Variants in FGF13 observed in about 807,000 individuals in gnomAD.
FGF13 encodes the protein fibroblast growth factor homologous factor 2.
Under a neutral mutation model 19.5 loss-of-function variants are expected in FGF13, and 2 were observed. That is an observed-to-expected ratio of 0.10 (90% confidence interval 0.04 to 0.32). The LOEUF is 0.32. Among genes scored for constraint, FGF13 ranks in the 10% least tolerant of loss-of-function variants. The pLI is 1.00. For synonymous variants in FGF13, 72 were observed against 76.9 expected, an observed-to-expected ratio of 0.94 and a Z score of 0.33; for missense variants, 113 against 192.7, an observed-to-expected ratio of 0.59 and a Z score of 2.45.
At chrX:139,038,313 T>C (rs1436735730) in intron 1 of FGF13, among the ~76,000 whole-genome samples, 1 of 110,995 alleles carries the variant, frequency 9.0e-6, no homozygotes, top group Non-Finnish European at 1.9e-5. Flanking sequence ...GCGTTGTATA[T>C]ATCCCTTTAT....
At chrX:138,968,173 G>C (rs750549676) in intron 1 of FGF13, among the ~76,000 whole-genome samples, 35 of 112,138 alleles carry the variant, frequency 3.1e-4, no homozygotes, top group Non-Finnish European at 5.3e-4. Flanking sequence ...TGAAGGCAAA[G>C]ATTAATTCAC....
At chrX:138,920,860 T>C (rs2091641093) in intron 1 of FGF13, among the ~76,000 whole-genome samples, 1 of 111,585 alleles carries the variant, frequency 9.0e-6, no homozygotes, top group African/African-American at 3.3e-5. Context: ...CGGCCAACTA[T>C]GCACAAAAGA....
chrX:138,919,977 T>G (rs970268039), intron 1 of FGF13, among the ~76,000 whole-genome samples: 2 of 111,237 alleles, frequency 1.8e-5, no homozygotes, highest in East Asian at 5.6e-4. Context: ...AGGACTTTTC[T>G]GTGTATTTGT....
At chrX:139,021,331 A>G (rs780390958) in intron 1 of FGF13, among the ~76,000 whole-genome samples, 1 of 110,880 alleles carries the variant, frequency 9.0e-6, no homozygotes, top group Non-Finnish European at 1.9e-5. Context: ...TACCAGTAAT[A>G]AACAGGTTTA....
chrX:138,801,147 G>A (rs2090825849), intron 3 of FGF13, among the ~76,000 whole-genome samples: 1 of 112,075 alleles, frequency 8.9e-6, no homozygotes, highest in Non-Finnish European at 1.9e-5. Context: ...CAATCATTTG[G>A]AGGAGAAGAG....
rs745650383 is a variant in FGF13, at chrX:138,633,710, A to G, written c.602-724T>C. ...TTAGATACTACTCTAAGTTCTTTGC[A>G]TGCATTATCCCATTTAGTCCCTATG... On this transcript the variant is annotated intron_variant, in intron 4 of 4. Transcript: ENST00000315930. Among the ~76,000 whole-genome samples, 5 of 111,508 alleles carry G rather than the reference A, an allele frequency of 4.5e-5. No individual in the cohort carries two copies. In the South Asian group the frequency reaches 1.9e-3, roughly 43 times the overall value.
chrX:138,636,047 T>C (rs2089180554), intron 3 of FGF13, among the ~76,000 whole-genome samples: 1 of 112,342 alleles, frequency 8.9e-6, no homozygotes, highest in African/African-American at 3.2e-5. Context: ...CATTCGGTCC[T>C]TGTACTTAAT....
chrX:138,995,306 TTTTA>T (rs1434063630), intron 1 of FGF13, among the ~76,000 whole-genome samples: 2 of 111,806 alleles, frequency 1.8e-5, no homozygotes, highest in African/African-American at 6.5e-5. Flanking sequence ...TAATTTTGAT[TTTTA>T]TTTATTTTTT....
chrX:138,840,637 G>A (rs2091144365), intron 3 of FGF13, among the ~76,000 whole-genome samples: 1 of 111,743 alleles, frequency 8.9e-6, no homozygotes, highest in South Asian at 3.8e-4. Context: ...TGGAAGGGAA[G>A]GAAGGAAATA....
chrX:139,061,352 C>T (rs2092335404), intron 1 of FGF13, among the ~76,000 whole-genome samples: 1 of 111,702 alleles, frequency 9.0e-6, no homozygotes, highest in Admixed American at 9.5e-5. Context: ...GGGATTCACC[C>T]TCATGAGGGG....
intron 1 of FGF13, among the ~76,000 whole-genome samples, chrX:138,874,175 T>G (rs1362953972): frequency 1.0e-5 from 1 of 97,635 alleles, no homozygotes; most frequent in Non-Finnish European, 2.0e-5. Flanking sequence ...TATATATATA[T>G]AAAGTAAAAT....
At chrX:138,817,038 C>A (rs1295177402) in intron 3 of FGF13, among the ~76,000 whole-genome samples, 1 of 112,144 alleles carries the variant, frequency 8.9e-6, no homozygotes. Context: ...TGTTGTAGTC[C>A]TCTCCAGATT....
chrX:139,161,192 AT>A (rs1191537058), intron 1 of FGF13, among the ~76,000 whole-genome samples: 3 of 112,289 alleles, frequency 2.7e-5, no homozygotes, highest in African/African-American at 9.7e-5. Flanking sequence ...CTGGTTTAAC[AT>A]ACACAAATCA....
Position 138,630,405 on chromosome X carries a change from A to AGAG in FGF13, c.*2442_*2444dup, listed in dbSNP as rs2089104637. 1 of 111,135 alleles carries AGAG rather than the reference A, an allele frequency of 9.0e-6. No individual in the cohort carries two copies. The highest frequency in any genetic ancestry group is 3.3e-5 in the African/African-American group (1 of 30,572). 9.2% of individuals were successfully genotyped at this position (111,135 alleles called of 1,213,427 possible). On this transcript the variant is annotated 3_prime_UTR_variant, in exon 5 of 5. Transcript: ENST00000315930. ...TTTCCCTACTGATTGAAAATTAGTAAGAGTTAATAGGGAGAGGTGGTTGAG... is the reference window on the plus strand; with the variant it reads ...TTTCCCTACTGATTGAAAATTAGTAAGAGGAGTTAATAGGGAGAGGTGGTTGAG...
intron 3 of FGF13, among the ~76,000 whole-genome samples, chrX:138,820,569 AT>A (rs779822559): frequency 8.9e-6 from 1 of 112,263 alleles, no homozygotes; most frequent in East Asian, 2.8e-4. Flanking sequence ...AAAAACCTAT[AT>A]TAATTAAAAC....
At chrX:138,856,784 G>A (rs750044506), downstream of FGF13, among the ~76,000 whole-genome samples, 7 of 111,926 alleles carry the variant, frequency 6.3e-5, no homozygotes, top group Non-Finnish European at 1.1e-4. Flanking sequence ...ATTTCTCTTT[G>A]ATAGATGCAA....
chrX:139,004,301 G>T (rs2092090442), intron 1 of FGF13, among the ~76,000 whole-genome samples: 1 of 112,869 alleles, frequency 8.9e-6, no homozygotes, highest in South Asian at 3.6e-4. Context: ...GAGCCAGCAG[G>T]GCCGGCCGGC....
chrX:138,773,913 C>T (rs1311788874), intron 3 of FGF13, among the ~76,000 whole-genome samples: 1 of 111,406 alleles, frequency 9.0e-6, no homozygotes. Flanking sequence ...CAGGTTTTGC[C>T]TTCACAAATA....
At chrX:138,959,117 G>A (rs1479236599) in intron 1 of FGF13, among the ~76,000 whole-genome samples, 3 of 111,517 alleles carry the variant, frequency 2.7e-5, no homozygotes, top group African/African-American at 9.8e-5. Context: ...TGATGTTAGG[G>A]TGTCGATTTT....
Sources: allele counts gnomAD v4.1 joint callset (sites outside exome capture counted in the v4.1 genomes callset), GRCh38; gene constraint gnomAD v4.1.1; transcripts MANE v1.5; gene names NCBI Gene and HGNC (gene_info 2026-07-23, HGNC 2026-07-21).